Variants in ZNF583 observed in about 807,000 individuals in gnomAD.
ZNF583 encodes zinc finger protein 583.
Under a neutral mutation model 55.3 loss-of-function variants are expected in ZNF583, and 30 were observed. The observed-to-expected ratio is 0.54, with a 90% CI of 0.41 to 0.74. The LOEUF (loss-of-function observed/expected upper bound fraction) is 0.74, where lower values mean the gene tolerates loss of function less well. Among genes scored for constraint, ZNF583 ranks in the 30% least tolerant of loss-of-function variants. ZNF583 has a pLI of 0.00. For missense variants in ZNF583, 504 were observed against 664.7 expected (o/e 0.76, Z 2.66); for synonymous variants, 208 against 220.0 (o/e 0.95, Z 0.48).
At chr19:56,409,675 A>G (rs2042207972) in intron 2 of ZNF583, among the ~76,000 whole-genome samples, 1 of 152,198 alleles carries the variant, frequency 6.6e-6, no homozygotes, top group Non-Finnish European at 1.5e-5. Flanking sequence ...TTTAAAGATT[A>G]TATTTAAAGT....
At chr19:56,418,316 G>A (rs1325944874) in intron 4 of ZNF583, among the ~76,000 whole-genome samples, 2 of 152,044 alleles carry the variant, frequency 1.3e-5, no homozygotes, top group African/African-American at 4.8e-5. Context: ...GGTGTGCGCT[G>A]GTAATCTCAG....
In ZNF583 at chr19:56,425,788, A is replaced by G. The variant is rs1454710071; in HGVS notation, c.*1420A>G. Reference sequence around the variant, plus strand: ...TAGGTCAGTTCTCATAAACTGGCCCACAAACATGTTTGATTCTGTATGCAT... The same window carrying G: ...TAGGTCAGTTCTCATAAACTGGCCCGCAAACATGTTTGATTCTGTATGCAT... On this transcript the variant is annotated 3_prime_UTR_variant, in exon 5 of 5. Transcript: ENST00000333201. 1 of 152,236 alleles carries G rather than the reference A, an allele frequency of 6.6e-6. No individual in the cohort carries two copies. Among genetic ancestry groups the G allele is most frequent in the Non-Finnish European group, 1.5e-5 (1 of 68,036 alleles). 9.4% of individuals were successfully genotyped at this position (152,236 alleles called of 1,614,324 possible).
At chr19:56,412,557 T>A (rs1222739892) in intron 2 of ZNF583, among the ~76,000 whole-genome samples, 8 of 152,226 alleles carry the variant, frequency 5.3e-5, no homozygotes, top group Admixed American at 5.2e-4. Flanking sequence ...AGACATTCAC[T>A]AAGTAAATTA....
intron 4 of ZNF583, among the ~76,000 whole-genome samples, chr19:56,415,034 T>C: frequency 6.7e-6 from 1 of 149,940 alleles, no homozygotes; most frequent in African/African-American, 2.4e-5. Flanking sequence ...AAAAGCCAGG[T>C]TATTTTTGTT....
At chr19:56,420,512 T>C (rs2042397405) in intron 4 of ZNF583, among the ~76,000 whole-genome samples, 1 of 152,214 alleles carries the variant, frequency 6.6e-6, no homozygotes, top group African/African-American at 2.4e-5. Context: ...GCAAAGCATG[T>C]GTTAGTTGCC....
rs2042494054 is a variant in ZNF583 at position 56,426,675 on chromosome 19, G to C, written c.*2307G>C. Reference sequence around the variant, plus strand: ...ATGTGGTAAGTACTAAATCTCCCTAGGATCAGAAGAAATACAGTTTAGGCC... The same window carrying C: ...ATGTGGTAAGTACTAAATCTCCCTACGATCAGAAGAAATACAGTTTAGGCC... On this transcript the variant is annotated 3_prime_UTR_variant, in exon 5 of 5. Transcript: ENST00000333201. 1 of 152,066 alleles carries C rather than the reference G, an allele frequency of 6.6e-6. No homozygotes were observed. The allele number at this position is 152,066 out of a possible 1,614,324, so 9.4% of individuals were successfully genotyped here.
At chr19:56,407,176 T>C in intron 2 of ZNF583, 53 bp downstream of exon 2, 1 of 1,606,510 alleles carries the variant, frequency 6.2e-7, no homozygotes, top group African/African-American at 1.3e-5. Context: ...TTTTTTAGGT[T>C]ATACGAACAT....
At chr19:56,408,147 C>G (rs188514911) in intron 2 of ZNF583, among the ~76,000 whole-genome samples, 10 of 151,846 alleles carry the variant, frequency 6.6e-5, no homozygotes, top group Admixed American at 6.6e-4. Flanking sequence ...GATTATTCAT[C>G]TAGTAAAAAA....
At chr19:56,421,169 T>C (rs1457232668) in intron 4 of ZNF583, among the ~76,000 whole-genome samples, 1 of 152,116 alleles carries the variant, frequency 6.6e-6, no homozygotes, top group Non-Finnish European at 1.5e-5. Flanking sequence ...AAAAACTCTG[T>C]GTGTGGGGTA....
At chr19:56,406,957 T>G in intron 1 of ZNF583, 69 bp from the exon 2 acceptor site, 2 of 688,662 alleles carry the variant, frequency 2.9e-6, no homozygotes. Flanking sequence ...GAAGGAAAGG[T>G]TTCTAGGCTG....
intron 2 of ZNF583, among the ~76,000 whole-genome samples, 200 bp from the exon 3 acceptor site, chr19:56,413,759 A>G (rs77264215): frequency 0.024 from 3,705 of 152,344 alleles, 155 homozygotes; most frequent in African/African-American, 0.083. Flanking sequence ...TATACTTTCC[A>G]TGACAGAATA....
intron 1 of ZNF583, among the ~76,000 whole-genome samples, chr19:56,406,008 G>T (rs1386683098): frequency 6.6e-6 from 1 of 152,184 alleles, no homozygotes; most frequent in Non-Finnish European, 1.5e-5. Context: ...AGGCAGTGAG[G>T]TCTGCTGGAC....
At chr19:56,409,845 TTTCC>T (rs1158413323) in intron 2 of ZNF583, among the ~76,000 whole-genome samples, 2 of 151,844 alleles carry the variant, frequency 1.3e-5, no homozygotes, top group East Asian at 3.8e-4. Context: ...TCTGTTCTTT[TTTCC>T]TTTGTTTCTC....
At position 56,423,185 on chromosome 19, in the gene ZNF583, GT is replaced by G. The variant is rs1555825801; in HGVS notation, c.531del (p.Thr179ProfsTer22). 1.9e-6 allele frequency: 3 copies of G among 1,612,920 alleles called. No individual in the cohort carries two copies. Among genetic ancestry groups the G allele is most frequent in the Non-Finnish European group, 2.5e-6 (3 of 1,179,898 alleles). On this transcript the variant is annotated frameshift_variant, in exon 5 of 5. Transcript: ENST00000333201. LOFTEE classifies it high-confidence loss of function. ...HQDTIFDIQQ[S>X]FPTKEKAHKH... ...GATACAATCTTTGATATACAACAGA[GT>G]TTTCCCACCAAAGAAAAAGCACATA...
At chr19:56,408,020 A>G (rs1445077265) in intron 2 of ZNF583, among the ~76,000 whole-genome samples, 2 of 152,128 alleles carry the variant, frequency 1.3e-5, no homozygotes, top group Non-Finnish European at 1.5e-5. Context: ...ATAAAAATAA[A>G]CACCTTGTGC....
chr19:56,424,712 A>T lies in ZNF583; in HGVS notation c.*344A>T, dbSNP rs1600383429. 5.2e-6 allele frequency: 1 copy of T among 190,846 alleles called. No homozygotes were observed. Among genetic ancestry groups the T allele is most frequent in the East Asian group, 1.3e-4 (1 of 7,566 alleles). 11.8% of individuals were successfully genotyped at this position (190,846 alleles called of 1,614,324 possible). On this transcript the variant is annotated 3_prime_UTR_variant, in exon 5 of 5. Transcript: ENST00000333201. The stretch of plus-strand genomic sequence containing the variant: ...TATCCATCTCATTCTCTGAATACTT[A>T]TCCAGGATTAAGATACATATTCCAG...
Position 56,414,028 on chromosome 19 carries a change from CA to C in ZNF583, c.80del (p.Gln27ArgfsTer8). 6.2e-7 allele frequency: 1 copy of C among 1,612,048 alleles called. No individual in the cohort carries two copies. ...QEEWEWLNPAQRNLYRKVMLE... is the reference protein window; with the variant it reads ...QEEWEWLNPAXRNLYRKVMLE... Reference sequence around the variant, plus strand: ...GGAATGGGAATGGCTGAACCCTGCTCAGAGGAATTTGTACAGGAAAGTGATG... The same window carrying C: ...GGAATGGGAATGGCTGAACCCTGCTCGAGGAATTTGTACAGGAAAGTGATG... On this transcript the variant is annotated frameshift_variant, in exon 3 of 5. Transcript: ENST00000333201. LOFTEE classifies it high-confidence loss of function.
rs566922694 is a variant in ZNF583 at position 56,427,059 on chromosome 19, G to A, written c.*2691G>A. ...GCATGTTATATGCGAATGACCGAAG[G>A]GTTTTAAAAATGGAATCTAGTCTGC... On this transcript the variant is annotated 3_prime_UTR_variant, in exon 5 of 5. Coordinates refer to ENST00000333201, the MANE Select transcript of ZNF583 (RefSeq NM_152478.3). 1 of 152,060 alleles carries A rather than the reference G, an allele frequency of 6.6e-6. No individual in the cohort carries two copies. The highest frequency in any genetic ancestry group is 1.5e-5 in the Non-Finnish European group (1 of 68,018). 9.4% of individuals were successfully genotyped at this position (152,060 alleles called of 1,614,324 possible).
At position 56,412,889 on chromosome 19, in the gene ZNF583, G is replaced by C. The variant is rs144025330; in HGVS notation, c.10-1070G>C. 3.3e-5 allele frequency among the ~76,000 whole-genome samples: 5 copies of C among 152,148 alleles called. No individual in the cohort carries two copies. In the East Asian group the frequency reaches 9.7e-4, roughly 29 times the overall value. Reference sequence around the variant, plus strand: ...TTTTATCTGTGACAAATTTTTTCTTGTTTTGATTCAGATACCTTTTTGTTT... The same window carrying C: ...TTTTATCTGTGACAAATTTTTTCTTCTTTTGATTCAGATACCTTTTTGTTT... On this transcript the variant is annotated intron_variant, in intron 2 of 4. Transcript: ENST00000333201.
Sources: gnomAD v4.1 joint callset for allele counts (sites outside exome capture counted in the v4.1 genomes callset) on GRCh38, gnomAD v4.1.1 for gene constraint, MANE v1.5 for transcripts, NCBI Gene and HGNC (gene_info 2026-07-23, HGNC 2026-07-21) for gene names.